The following COX7B2 variants were observed in gnomAD, a reference collection of about 807,000 sequenced individuals.
COX7B2 encodes the protein cytochrome c oxidase subunit 7B2, mitochondrial.
For synonymous variants in COX7B2, 37 were observed against 32.1 expected (o/e 1.15, Z -0.51); for missense variants, 109 against 95.9 (o/e 1.14, Z -0.57).
At chr4:46,886,464 C>G (rs1191081862) in intron 1 of COX7B2, among the ~76,000 whole-genome samples, 1 of 152,096 alleles carries the variant, frequency 6.6e-6, no homozygotes, top group South Asian at 2.1e-4. Context: ...TATAATTTCC[C>G]TATTGTACTA....
chr4:46,761,080 C>T lies in COX7B2; in HGVS notation c.-49-25839G>A, dbSNP rs1486843382. Among the ~76,000 whole-genome samples the T allele has an allele frequency of 3.3e-5, 5 of 152,108 alleles. No homozygotes were observed. In the East Asian group the frequency reaches 9.6e-4, roughly 29 times the overall value. On this transcript the variant is annotated intron_variant, in intron 2 of 2. Transcript: ENST00000355591. ...AGCTGGCTGCAAATCAAACACAGGA[C>T]AACTTCTTATAAGGCAGATGAGCTA...
At chr4:46,888,645 A>T (rs1482211864) in intron 1 of COX7B2, among the ~76,000 whole-genome samples, 1 of 151,882 alleles carries the variant, frequency 6.6e-6, no homozygotes, top group Admixed American at 6.6e-5. Context: ...ATGGGGTTTC[A>T]CCATGTTAGT....
At position 46,752,561 on chromosome 4, in the gene COX7B2, T is replaced by G. The variant is rs148909639; in HGVS notation, c.-49-17320A>C. ...TATGTAATTGGCTTTGGGTTTATCA[T>G]AAATAGCTCTTATTATTTTGAGATA... On this transcript the variant is annotated intron_variant, in intron 2 of 2. Transcript: ENST00000355591. Among the ~76,000 whole-genome samples, 1,258 of 152,282 alleles carry G rather than the reference T, an allele frequency of 8.3e-3. 18 individuals are homozygous for G. Among genetic ancestry groups the G allele is most frequent in the African/African-American group, 0.028 (1,184 of 41,572 alleles).
intron 1 of COX7B2, among the ~76,000 whole-genome samples, chr4:46,869,415 T>C (rs535656421): frequency 1.3e-5 from 2 of 152,262 alleles, no homozygotes; most frequent in Admixed American, 6.5e-5. Context: ...TATCATTGTG[T>C]TGTTAGCTAG....
intron 1 of COX7B2, among the ~76,000 whole-genome samples, chr4:46,861,136 C>T (rs1334749288): frequency 3.9e-5 from 6 of 152,108 alleles, no homozygotes; most frequent in Non-Finnish European, 1.5e-5. Context: ...GTTAGAGTCC[C>T]TCTCTAGGGG....
At chr4:46,802,134 C>T (rs1332173707) in intron 2 of COX7B2, among the ~76,000 whole-genome samples, 2 of 152,052 alleles carry the variant, frequency 1.3e-5, no homozygotes, top group Admixed American at 6.6e-5. Context: ...GATTTCCATT[C>T]ATGTGATCAA....
chr4:46,781,556 C>G (rs1717447138), intron 2 of COX7B2, among the ~76,000 whole-genome samples: 1 of 152,242 alleles, frequency 6.6e-6, no homozygotes. Context: ...GCCTCCTTGG[C>G]CTCAGTGTCC....
chr4:46,846,739 A>C (rs1716302780), intron 1 of COX7B2, among the ~76,000 whole-genome samples: 1 of 152,090 alleles, frequency 6.6e-6, no homozygotes, highest in Non-Finnish European at 1.5e-5. Context: ...TAAAACAGGA[A>C]GCATTTTTAC....
intron 2 of COX7B2, among the ~76,000 whole-genome samples, chr4:46,840,998 A>G (rs1248175423): frequency 6.6e-6 from 1 of 152,096 alleles, no homozygotes; most frequent in Non-Finnish European, 1.5e-5. Flanking sequence ...AAAGAAAGCA[A>G]AAAGCATTCT....
intron 2 of COX7B2, among the ~76,000 whole-genome samples, chr4:46,786,522 T>C (rs780585107): frequency 1.3e-5 from 2 of 152,188 alleles, no homozygotes; most frequent in Non-Finnish European, 2.9e-5. Context: ...ATTATTTTTC[T>C]CATGTATAAT....
At chr4:46,846,257 T>C (rs1471043678) in intron 1 of COX7B2, among the ~76,000 whole-genome samples, 2 of 151,974 alleles carry the variant, frequency 1.3e-5, no homozygotes, top group African/African-American at 4.8e-5. Context: ...CGGCTTCAGA[T>C]AAAGCAATGA....
intron 2 of COX7B2, among the ~76,000 whole-genome samples, chr4:46,762,479 CTA>C (rs1560362425): frequency 7.4e-6 from 1 of 135,792 alleles, no homozygotes; most frequent in Non-Finnish European, 1.5e-5. Flanking sequence ...ACTATATATA[CTA>C]TATATTGTAA....
intron 2 of COX7B2, among the ~76,000 whole-genome samples, chr4:46,802,898 G>A (rs1215672162): frequency 6.6e-6 from 1 of 152,076 alleles, no homozygotes; most frequent in Non-Finnish European, 1.5e-5. Context: ...TGTACTAAAG[G>A]GGGATTCCAG....
At chr4:46,842,675 G>C (rs1469932011) in intron 2 of COX7B2, among the ~76,000 whole-genome samples, 1 of 151,946 alleles carries the variant, frequency 6.6e-6, no homozygotes, top group Non-Finnish European at 1.5e-5. Context: ...CCTTGCGATA[G>C]TTTGCTGAGA....
rs910462565 is a variant in COX7B2, at chr4:46,894,936, A to T, written c.-105+14224T>A. Among the ~76,000 whole-genome samples, 8 of 152,318 alleles carry T rather than the reference A, an allele frequency of 5.3e-5. 2 individuals are homozygous for T. The highest frequency in any genetic ancestry group is 1.3e-4 in the Admixed American group (2 of 15,288). ...CAAATCAAAACTACAATAAGATAGC[A>T]TCTCACACCAGTCGGAATGGCTATT... On this transcript the variant is annotated intron_variant, in intron 1 of 2. Coordinates refer to ENST00000355591, the MANE Select transcript of COX7B2 (RefSeq NM_130902.3).
intron 1 of COX7B2, among the ~76,000 whole-genome samples, chr4:46,891,910 T>C (rs959604097): frequency 6.6e-5 from 10 of 152,234 alleles, no homozygotes; most frequent in Middle Eastern, 3.2e-3. Flanking sequence ...AGGTTTCTTT[T>C]GGTCCAGCTC....
chr4:46,807,180 A>T (rs1719044920), intron 2 of COX7B2, among the ~76,000 whole-genome samples: 1 of 151,770 alleles, frequency 6.6e-6, no homozygotes, highest in South Asian at 2.1e-4. Context: ...AATATTTGTT[A>T]TCTTTTGTTT....
At chr4:46,847,824 C>A (rs1280818421) in intron 1 of COX7B2, among the ~76,000 whole-genome samples, 1 of 151,996 alleles carries the variant, frequency 6.6e-6, no homozygotes, top group African/African-American at 2.4e-5. Flanking sequence ...AAAATTGAAT[C>A]TTCTAGAAGC....
chr4:46,764,188 C>A (rs1716386280), intron 2 of COX7B2, among the ~76,000 whole-genome samples: 2 of 152,160 alleles, frequency 1.3e-5, no homozygotes, highest in Non-Finnish European at 2.9e-5. Flanking sequence ...GCAGTGAGCA[C>A]TACTTAAGTT....
Sources: gnomAD v4.1 joint callset for allele counts (sites outside exome capture counted in the v4.1 genomes callset) on GRCh38, gnomAD v4.1.1 for gene constraint, MANE v1.5 for transcripts, NCBI Gene and HGNC (gene_info 2026-07-23, HGNC 2026-07-21) for gene names.